DCP1A: variants seen among roughly 807,000 people sequenced by gnomAD.
DCP1A encodes the protein decapping mRNA 1A.
DCP1A carries 20 observed loss-of-function variants against 58.0 expected under a neutral mutation model. The ratio of observed to expected loss-of-function variants is 0.34; its 90% CI spans 0.24 to 0.50. The LOEUF is 0.50. DCP1A is among the 20% of genes least tolerant of loss of function. The pLI is 0.98. For missense variants in DCP1A, 613 were observed against 712.2 expected (o/e 0.86, Z 1.59); for synonymous variants, 285 against 275.1 (o/e 1.04, Z -0.36).
intron 6 of DCP1A, among the ~76,000 whole-genome samples, chr3:53,293,183 G>C (rs1450327060): frequency 6.6e-6 from 1 of 152,096 alleles, no homozygotes; most frequent in Non-Finnish European, 1.5e-5. Flanking sequence ...TGCTAATCAG[G>C]TGATTCTACC....
intron 6 of DCP1A, among the ~76,000 whole-genome samples, chr3:53,299,230 A>T (rs1450238156): frequency 1.3e-5 from 2 of 152,222 alleles, no homozygotes; most frequent in African/African-American, 2.4e-5. Context: ...TCTGTTTCTG[A>T]TAAGAAAAAC....
At chr3:53,304,362 T>C (rs1707404630) in intron 5 of DCP1A, 72 bp from the exon 6 acceptor site, 1 of 986,820 alleles carries the variant, frequency 1.0e-6, no homozygotes, top group Non-Finnish European at 1.5e-6. Flanking sequence ...CAAAACAGCA[T>C]CTGAGGTTAT....
intron 5 of DCP1A, among the ~76,000 whole-genome samples, chr3:53,308,348 G>A (rs1707537436): frequency 6.6e-6 from 1 of 152,148 alleles, no homozygotes; most frequent in South Asian, 2.1e-4. Flanking sequence ...AGGCTGGAGT[G>A]CAGTGGCAGA....
At chr3:53,336,167 G>A (rs1422344285) in intron 3 of DCP1A, among the ~76,000 whole-genome samples, 5 of 152,070 alleles carry the variant, frequency 3.3e-5, no homozygotes, top group African/African-American at 1.2e-4. Flanking sequence ...GCAGTGGCAT[G>A]ATCTTGGCTC....
chr3:53,311,313 T>A (rs1707637567), intron 5 of DCP1A, among the ~76,000 whole-genome samples: 1 of 152,206 alleles, frequency 6.6e-6, no homozygotes, highest in Non-Finnish European at 1.5e-5. Context: ...GGTGACAGTA[T>A]AATTCTGCTA....
Position 53,292,251 on chromosome 3 carries a change from T to G in DCP1A, c.1201A>C (p.Thr401Pro), listed in dbSNP as rs782166285. 3.1e-6 allele frequency: 5 copies of G among 1,613,938 alleles called. No homozygotes were observed. Among genetic ancestry groups the G allele is most frequent in the Non-Finnish European group, 4.2e-6 (5 of 1,179,884 alleles). Residue 401 changes from threonine to proline, a missense_variant, in exon 7 of 10, where the codon ACC (threonine) becomes CCC (proline). Transcript: ENST00000610213. ...GTCTGTATTTGGTCATGCTGTGGGG[T>G]CAACCTGAGTTTCTGGAGAAGATCA... is the stretch of plus-strand genomic sequence containing the variant. ...SVDLLQKLRL[T>P]PQHDQIQTQP...
chr3:53,295,650 A>G (rs1707096685), intron 6 of DCP1A, among the ~76,000 whole-genome samples: 1 of 152,066 alleles, frequency 6.6e-6, no homozygotes, highest in Non-Finnish European at 1.5e-5. Flanking sequence ...GACTCAAACA[A>G]TCCTTTCATG....
Position 53,287,654 on chromosome 3 carries a change from A to T in DCP1A, c.1675T>A (p.Ser559Thr). Residue 559 changes from serine to threonine, a missense_variant, in exon 10 of 10, where the codon TCC becomes ACC. Coordinates refer to ENST00000610213, the MANE Select transcript of DCP1A (RefSeq NM_018403.7). Reference sequence around the variant, plus strand: ...TCATGAAGTGTACTGAGGAAGCTGGAATCATTCTAGAAGAGATGGTAAAGG... The same window carrying T: ...TCATGAAGTGTACTGAGGAAGCTGGTATCATTCTAGAAGAGATGGTAAAGG... ...DTLIHLIKND[S>T]SFLSTLHEVY... 6.2e-7 allele frequency: 1 copy of T among 1,610,262 alleles called. No homozygotes were observed. Among genetic ancestry groups the T allele is most frequent in the South Asian group, 1.1e-5 (1 of 90,996 alleles).
intron 3 of DCP1A, 28 bp downstream of exon 3, chr3:53,342,116 A>G (rs781915382): frequency 6.4e-7 from 1 of 1,555,506 alleles, no homozygotes; most frequent in South Asian, 1.2e-5. Flanking sequence ...TTTAAATGTA[A>G]TAACTATAAT....
chr3:53,346,556 C>A lies in DCP1A; in HGVS notation c.135+827G>T, dbSNP rs1453845317. On this transcript the variant is annotated intron_variant, in intron 1 of 9. Coordinates refer to ENST00000610213, the MANE Select transcript of DCP1A (RefSeq NM_018403.7). ...TGAGTTAATTAGGAAGGGTCAATTACAAGAAAGTGGGAAATTATGCTTTTT... is the reference window on the plus strand; with the variant it reads ...TGAGTTAATTAGGAAGGGTCAATTAAAAGAAAGTGGGAAATTATGCTTTTT... 2.6e-5 allele frequency among the ~76,000 whole-genome samples: 4 copies of A among 152,122 alleles called. No individual in the cohort carries two copies. In the South Asian group the frequency reaches 6.2e-4, roughly 24 times the overall value.
chr3:53,290,947 G>A (rs1260636053), intron 7 of DCP1A, 91 bp from the exon 8 acceptor site: 8 of 1,129,500 alleles, frequency 7.1e-6, no homozygotes, highest in African/African-American at 1.6e-5. Context: ...TTTCCCAGTG[G>A]AAAATCTAGG....
chr3:53,337,913 T>C (rs890288250), intron 3 of DCP1A, among the ~76,000 whole-genome samples: 6 of 152,250 alleles, frequency 3.9e-5, no homozygotes, highest in Non-Finnish European at 8.8e-5. Flanking sequence ...TGCAGGCTAC[T>C]ATATGGGACA....
Position 53,314,546 on chromosome 3 carries a change from C to T in DCP1A, c.372-2167G>A, listed in dbSNP as rs575115672. ...GATCTGTCACACGGCCTGTTTTCCA[C>T]CTACCTCCTGACATGTTGCCTGACT... On this transcript the variant is annotated intron_variant, in intron 4 of 9. Transcript: ENST00000610213. Among the ~76,000 whole-genome samples the T allele has an allele frequency of 9.2e-5, 14 of 152,262 alleles. No homozygotes were observed. In the East Asian group the frequency reaches 2.7e-3, roughly 29 times the overall value.
intron 3 of DCP1A, among the ~76,000 whole-genome samples, chr3:53,329,720 A>T (rs1490300343): frequency 2.6e-5 from 4 of 152,214 alleles, no homozygotes; most frequent in African/African-American, 9.6e-5. Flanking sequence ...AAAACTCAAA[A>T]GGGCTTTGTC....
intron 8 of DCP1A, among the ~76,000 whole-genome samples, chr3:53,289,959 G>A (rs1236948659): frequency 6.6e-6 from 1 of 152,130 alleles, no homozygotes; most frequent in Non-Finnish European, 1.5e-5. Flanking sequence ...AGCAGGCTGA[G>A]ATAGATCACC....
At chr3:53,303,263 T>A (rs1462137225) in intron 6 of DCP1A, among the ~76,000 whole-genome samples, 1 of 150,114 alleles carries the variant, frequency 6.7e-6, no homozygotes, top group East Asian at 2.0e-4. Context: ...GGGGTGTTAC[T>A]GTTATTATTT....
In DCP1A at chr3:53,284,128, T is replaced by A. The variant is rs1409133067; in HGVS notation, c.*3452A>T. The A allele has an allele frequency of 6.6e-6, 1 of 152,204 alleles. No homozygotes were observed. The highest frequency in any genetic ancestry group is 1.5e-5 in the Non-Finnish European group (1 of 68,008). 9.4% of individuals were successfully genotyped at this position (152,204 alleles called of 1,614,324 possible). The stretch of plus-strand genomic sequence containing the variant: ...GCAAACGTGCAGCCAGGATGCAGGA[T>A]GCGCACCCTAGGATTCCTCAGTTCT... On this transcript the variant is annotated 3_prime_UTR_variant, in exon 10 of 10. Coordinates refer to ENST00000610213, the MANE Select transcript of DCP1A (RefSeq NM_018403.7).
rs1231335031 is a variant in DCP1A, at chr3:53,320,453, G to C, written c.305-980C>G. Among the ~76,000 whole-genome samples the C allele has an allele frequency of 1.1e-4, 16 of 152,178 alleles. No individual in the cohort carries two copies. In the East Asian group the frequency reaches 2.7e-3, roughly 26 times the overall value. On this transcript the variant is annotated intron_variant, in intron 3 of 9. Coordinates refer to ENST00000610213, the MANE Select transcript of DCP1A (RefSeq NM_018403.7). ...GGATAAGACCCATTGCTACCATGTG[G>C]GCCCATATGATGACACACCTCAGCA...
At chr3:53,338,050 C>T (rs1201835612) in intron 3 of DCP1A, 8 of 355,678 alleles carry the variant, frequency 2.2e-5, no homozygotes, top group African/African-American at 4.2e-5. Context: ...CCTTGAAGCC[C>T]GAAAGACCTA....
Sources: gnomAD v4.1 joint callset for allele counts (sites outside exome capture counted in the v4.1 genomes callset) on GRCh38, gnomAD v4.1.1 for gene constraint, MANE v1.5 for transcripts, NCBI Gene and HGNC (gene_info 2026-07-23, HGNC 2026-07-21) for gene names.